CHD7: variants seen among roughly 807,000 people sequenced by gnomAD.
CHD7 encodes chromodomain helicase DNA binding protein 7.
In CHD7, 24 loss-of-function variants were observed where a neutral mutation model predicts 307.3. The observed-to-expected ratio is 0.08, with a 90% CI of 0.06 to 0.11. The LOEUF (loss-of-function observed/expected upper bound fraction) is 0.11, where lower values mean the gene tolerates loss of function less well. Among genes scored for constraint, CHD7 ranks in the 10% least tolerant of loss-of-function variants. CHD7 has a pLI of 1.00. For synonymous variants in CHD7, 1,363 were observed against 1,349.9 expected (o/e 1.01, Z -0.21); for missense variants, 3,106 against 3,727.1 (o/e 0.83, Z 4.34).
chr8:60,713,840 CG>C (rs1807406871), intron 1 of CHD7, among the ~76,000 whole-genome samples: 1 of 152,118 alleles, frequency 6.6e-6, no homozygotes, highest in African/African-American at 2.4e-5. Flanking sequence ...CATCTTAGAT[CG>C]GCTTCTCATT....
Position 60,814,530 on chromosome 8 carries a change from C to T in CHD7, c.2499-1857C>T, listed in dbSNP as rs578069656. Among the ~76,000 whole-genome samples the T allele has an allele frequency of 7.2e-5, 11 of 152,336 alleles. No homozygotes were observed. In the East Asian group the frequency reaches 1.9e-3, roughly 27 times the overall value. ...GCGTGATCTCAGCTCACTGCAACCT[C>T]CACCTCTGGGGTTCAAGCAATTCTC... On this transcript the variant is annotated intron_variant, in intron 7 of 37. Transcript: ENST00000423902.
intron 1 of CHD7, among the ~76,000 whole-genome samples, chr8:60,738,684 G>A (rs1808830753): frequency 6.6e-6 from 1 of 152,104 alleles, no homozygotes; most frequent in African/African-American, 2.4e-5. Context: ...TTGCCAGCTG[G>A]GTCTTGAGGT....
chr8:60,811,947 T>C (rs1467633650), intron 7 of CHD7, among the ~76,000 whole-genome samples: 4 of 152,256 alleles, frequency 2.6e-5, no homozygotes, highest in African/African-American at 9.6e-5. Context: ...ATAAGATTAA[T>C]GGCCACTTTT....
At chr8:60,689,707 G>T (rs1473350600) in intron 1 of CHD7, among the ~76,000 whole-genome samples, 1 of 152,218 alleles carries the variant, frequency 6.6e-6, no homozygotes, top group South Asian at 2.1e-4. Flanking sequence ...ATTATAGTCA[G>T]TGAGGCCTCT....
rs756396772 is a variant in CHD7 at position 60,742,002 on chromosome 8, C to T, written c.570C>T (p.Gly190=). 2.5e-6 allele frequency: 4 copies of T among 1,613,792 alleles called. No homozygotes were observed. In the South Asian group the frequency reaches 3.3e-5, roughly 13 times the overall value. ...ACCCTCAGCACATGCAGCAGATGGG[C>T]AGCTATATGGCACGTGGGGATTTTT... ...QGHPQHMQQM[G]SYMARGDFSM... Residue 190 remains glycine, a synonymous_variant, in exon 2 of 38, where the codon GGC becomes GGT. Transcript: ENST00000423902.
chr8:60,854,259 T>G (rs1222776497), intron 31 of CHD7, 104 bp from the exon 32 acceptor site: 1 of 981,522 alleles, frequency 1.0e-6, no homozygotes, highest in Admixed American at 2.2e-5. Context: ...AGGTACTCAA[T>G]AAAATGGAGC....
At chr8:60,789,409 GATTA>G (rs1430013817) in intron 3 of CHD7, among the ~76,000 whole-genome samples, 2 of 152,190 alleles carry the variant, frequency 1.3e-5, no homozygotes, top group Admixed American at 1.3e-4. Flanking sequence ...AAACAAACCT[GATTA>G]ATTCTCATGA....
intron 1 of CHD7, among the ~76,000 whole-genome samples, chr8:60,727,247 C>T (rs1039601536): frequency 1.3e-5 from 2 of 152,162 alleles, no homozygotes; most frequent in African/African-American, 4.8e-5. Flanking sequence ...CCACCTCAGC[C>T]TCCCCAGTAG....
chr8:60,737,254 A>G (rs1183254491), intron 1 of CHD7, among the ~76,000 whole-genome samples: 1 of 152,170 alleles, frequency 6.6e-6, no homozygotes, highest in Admixed American at 6.5e-5. Context: ...ATTTAAAAAC[A>G]TTTTTGGAAA....
At chr8:60,863,089 T>G (rs1330479377) in intron 37 of CHD7, 3 of 157,164 alleles carry the variant, frequency 1.9e-5, no homozygotes, top group African/African-American at 7.2e-5. Context: ...AATTCGTTCA[T>G]GACATGCTGG....
At chr8:60,850,689 T>G in intron 26 of CHD7, 67 bp downstream of exon 26, 2 of 1,485,044 alleles carry the variant, frequency 1.3e-6, no homozygotes. Context: ...CAGGGTTCAG[T>G]TCTTACCCTG....
intron 2 of CHD7, among the ~76,000 whole-genome samples, chr8:60,748,085 A>C (rs913970671): frequency 4.6e-5 from 7 of 152,138 alleles, no homozygotes; most frequent in Admixed American, 2.0e-4. Context: ...CTTTTCTTTG[A>C]GGGAGGGAGA....
chr8:60,835,949 G>A (rs1804723752), intron 15 of CHD7, 124 bp from the exon 16 acceptor site: 1 of 687,406 alleles, frequency 1.5e-6, no homozygotes, highest in Non-Finnish European at 2.5e-6. Flanking sequence ...ATGGATTCTT[G>A]TTCATAAGCA....
At chr8:60,704,280 G>A (rs1401736066) in intron 1 of CHD7, among the ~76,000 whole-genome samples, 1 of 152,148 alleles carries the variant, frequency 6.6e-6, no homozygotes, top group African/African-American at 2.4e-5. Context: ...GGCGAACACA[G>A]TTATACCATG....
intron 2 of CHD7, among the ~76,000 whole-genome samples, chr8:60,780,074 A>G (rs1008363982): frequency 6.6e-6 from 1 of 152,244 alleles, no homozygotes; most frequent in Non-Finnish European, 1.5e-5. Context: ...GTTGAAATAT[A>G]AATGTTCGTT....
chr8:60,824,338 C>T (rs1158856896), intron 13 of CHD7: 2 of 381,870 alleles, frequency 5.2e-6, no homozygotes, highest in Admixed American at 4.3e-5. Flanking sequence ...GAATCCAAAA[C>T]GTTTTGAGTA....
chr8:60,774,567 G>A (rs1238779399), intron 2 of CHD7, among the ~76,000 whole-genome samples: 1 of 152,170 alleles, frequency 6.6e-6, no homozygotes, highest in Non-Finnish European at 1.5e-5. Flanking sequence ...GCTGACCCTC[G>A]CCCATTGGTA....
intron 1 of CHD7, among the ~76,000 whole-genome samples, chr8:60,728,211 G>C (rs1758151645): frequency 6.6e-6 from 1 of 152,264 alleles, no homozygotes; most frequent in African/African-American, 2.4e-5. Context: ...TACTCTGAAA[G>C]CTGGAACAGA....
In CHD7 at chr8:60,853,506, G is replaced by A. The variant is rs773804340; in HGVS notation, c.6775+6G>A. On this transcript the variant is annotated splice_donor_region_variant and intron_variant, in intron 31 of 37. Transcript: ENST00000423902. ...AGAGTCTTCCCAGCCCGAAGGTAAG[G>A]CCTTACCACTGGCCCCTCTCCTGAC... 6.6e-7 allele frequency: 1 copy of A among 1,507,402 alleles called. No individual in the cohort carries two copies. The highest frequency in any genetic ancestry group is 8.9e-7 in the Non-Finnish European group (1 of 1,129,458). The allele number at this position is 1,507,402 out of a possible 1,614,324, so 93.4% of individuals were successfully genotyped here.
Sources: allele counts gnomAD v4.1 joint callset (sites outside exome capture counted in the v4.1 genomes callset), GRCh38; gene constraint gnomAD v4.1.1; transcripts MANE v1.5; gene names NCBI Gene and HGNC (gene_info 2026-07-23, HGNC 2026-07-21).